Variants in SCEL observed in about 807,000 individuals in gnomAD.
SCEL encodes sciellin.
In SCEL, 113 loss-of-function variants were observed where a neutral mutation model predicts 117.6. The observed-to-expected ratio is 0.96, with a 90% CI of 0.83 to 1.12. SCEL has a LOEUF of 1.12. SCEL is among the 50% of genes most tolerant of loss of function. The pLI is 0.00. For missense variants in SCEL, 785 were observed against 810.8 expected (o/e 0.97, Z 0.39); for synonymous variants, 270 against 256.2 (o/e 1.05, Z -0.51).
intron 2 of SCEL, 51 bp from the exon 3 acceptor site, chr13:77,556,545 G>T (rs749079994): frequency 5.4e-6 from 8 of 1,491,020 alleles, no homozygotes; most frequent in Non-Finnish European, 6.5e-6. Context: ...ACAAGCCCAC[G>T]CTCAACTCCA....
chr13:77,571,270 G>A (rs1238925078), intron 8 of SCEL, among the ~76,000 whole-genome samples: 5 of 149,028 alleles, frequency 3.4e-5, no homozygotes, highest in African/African-American at 1.2e-4. Flanking sequence ...GTGAAACCTC[G>A]TCCCAGCAAC....
chr13:77,603,211 C>T, intron 18 of SCEL, 76 bp downstream of exon 18: 1 of 863,724 alleles, frequency 1.2e-6, no homozygotes, highest in Non-Finnish European at 1.8e-6. Flanking sequence ...GGCTTTTTAG[C>T]TTCATAATCG....
chr13:77,639,438 T>C (rs184321851), intron 30 of SCEL, among the ~76,000 whole-genome samples: 49 of 152,332 alleles, frequency 3.2e-4, no homozygotes, highest in African/African-American at 1.2e-3. Flanking sequence ...TTTCTTCTCC[T>C]ACTTACTTTT....
chr13:77,589,316 A>G, intron 10 of SCEL, 92 bp downstream of exon 10: 1 of 888,900 alleles, frequency 1.1e-6, no homozygotes, highest in East Asian at 2.6e-5. Context: ...CAAAGCATGA[A>G]TGTTTTGTGT....
chr13:77,597,629 A>G (rs374178829), intron 13 of SCEL, 40 bp downstream of exon 13: 16 of 1,195,478 alleles, frequency 1.3e-5, no homozygotes, highest in Non-Finnish European at 1.8e-5. Context: ...ACTGAGTTGC[A>G]TATTGTGACT....
At chr13:77,596,263 G>A (rs1032434356) in intron 12 of SCEL, among the ~76,000 whole-genome samples, 1 of 152,052 alleles carries the variant, frequency 6.6e-6, no homozygotes, top group Admixed American at 6.6e-5. Flanking sequence ...AACCTGGGAG[G>A]CGGAGGTTGC....
chr13:77,583,932 A>G (rs926035729), intron 9 of SCEL, among the ~76,000 whole-genome samples: 5 of 152,224 alleles, frequency 3.3e-5, no homozygotes, highest in African/African-American at 1.2e-4. Context: ...TATTTCTTTT[A>G]GCTTTGGCCT....
intron 27 of SCEL, among the ~76,000 whole-genome samples, chr13:77,626,002 A>G (rs967248136): frequency 4.6e-5 from 7 of 152,192 alleles, no homozygotes; most frequent in African/African-American, 1.7e-4. Flanking sequence ...TTCACCCACA[A>G]CTGTAGTCAT....
intron 27 of SCEL, among the ~76,000 whole-genome samples, chr13:77,620,447 A>G (rs2089346645): frequency 6.6e-6 from 1 of 152,226 alleles, no homozygotes; most frequent in South Asian, 2.1e-4. Flanking sequence ...GAGTTCTTTC[A>G]TCTGACTTTG....
chr13:77,605,411 T>C (rs890413558), intron 19 of SCEL, among the ~76,000 whole-genome samples: 4 of 152,146 alleles, frequency 2.6e-5, no homozygotes, highest in Non-Finnish European at 5.9e-5. Flanking sequence ...AAAACATTGA[T>C]TTCCTTCAGT....
intron 21 of SCEL, 65 bp downstream of exon 21, chr13:77,609,182 A>G: frequency 8.0e-7 from 1 of 1,250,064 alleles, no homozygotes; most frequent in Non-Finnish European, 1.1e-6. Context: ...TAATTAAAGC[A>G]TCATTTCAGC....
At chr13:77,553,996 G>C (rs1402761197) in intron 1 of SCEL, among the ~76,000 whole-genome samples, 2 of 152,064 alleles carry the variant, frequency 1.3e-5, no homozygotes, top group Admixed American at 1.3e-4. Flanking sequence ...TGAAGGTAAT[G>C]GTCATGATGA....
intron 11 of SCEL, 89 bp downstream of exon 11, chr13:77,591,549 A>G: frequency 1.4e-6 from 1 of 740,246 alleles, no homozygotes; most frequent in Non-Finnish European, 2.3e-6. Flanking sequence ...GCAATTAATA[A>G]TAAGGTAGAC....
chr13:77,628,619 G>T (rs1407745975), intron 28 of SCEL, among the ~76,000 whole-genome samples: 2 of 152,080 alleles, frequency 1.3e-5, no homozygotes, highest in East Asian at 1.9e-4. Context: ...TCCATGTTTA[G>T]CAATTCTTAC....
At chr13:77,538,147 C>T (rs953352229) in intron 1 of SCEL, among the ~76,000 whole-genome samples, 4 of 145,784 alleles carry the variant, frequency 2.7e-5, no homozygotes, top group African/African-American at 1.0e-4. Flanking sequence ...AATGGAGTCT[C>T]GCTCTTTTCC....
At chr13:77,643,369 A>AT (rs530930764) in intron 32 of SCEL, among the ~76,000 whole-genome samples, 319 of 152,268 alleles carry the variant, frequency 2.1e-3, no homozygotes, top group African/African-American at 7.1e-3. Flanking sequence ...TTTAACTAAC[A>AT]TTTTTTATAA....
At chr13:77,602,598 T>G in intron 16 of SCEL, 56 bp from the exon 17 acceptor site, 1 of 1,464,698 alleles carries the variant, frequency 6.8e-7, no homozygotes, top group South Asian at 1.1e-5. Flanking sequence ...ATTATACAGA[T>G]TTCAGAGAAA....
chr13:77,572,323 A>G, intron 9 of SCEL, 134 bp downstream of exon 9: 1 of 679,460 alleles, frequency 1.5e-6, no homozygotes, highest in Non-Finnish European at 2.5e-6. Context: ...TGTACAGGAG[A>G]GTGTCCAGTG....
intron 9 of SCEL, among the ~76,000 whole-genome samples, chr13:77,577,698 A>G (rs1294437014): frequency 6.6e-6 from 1 of 152,174 alleles, no homozygotes; most frequent in Non-Finnish European, 1.5e-5. Context: ...TCCAAATGCC[A>G]CTTGGATAAG....
Sources: gnomAD v4.1 joint callset for allele counts (sites outside exome capture counted in the v4.1 genomes callset) on GRCh38, gnomAD v4.1.1 for gene constraint, MANE v1.5 for transcripts, NCBI Gene and HGNC (gene_info 2026-07-23, HGNC 2026-07-21) for gene names.